The following SYCP2 variants were observed in gnomAD, a reference collection of about 807,000 sequenced individuals.
SYCP2 encodes the protein synaptonemal complex protein 2, also known as synaptonemal complex lateral element protein.
In SYCP2, 55 loss-of-function variants were observed where a neutral mutation model predicts 211.3. The ratio of observed to expected loss-of-function variants is 0.26; its 90% CI spans 0.21 to 0.33. The LOEUF (loss-of-function observed/expected upper bound fraction) is 0.33, where lower values mean the gene tolerates loss of function less well. Ranked by LOEUF, SYCP2 falls within the 10% of genes least tolerant of loss-of-function variation. The pLI is 1.00. For missense variants in SYCP2, 1,731 were observed against 1,752.0 expected, an observed-to-expected ratio of 0.99 and a Z score of 0.21; for synonymous variants, 570 against 555.2, an observed-to-expected ratio of 1.03 and a Z score of -0.37.
At chr20:59,883,497 G>A (rs1371882949) in intron 26 of SYCP2, among the ~76,000 whole-genome samples, 2 of 152,026 alleles carry the variant, frequency 1.3e-5, no homozygotes, top group Non-Finnish European at 2.9e-5. Context: ...TATATATGAA[G>A]AAATACTATT....
intron 26 of SYCP2, among the ~76,000 whole-genome samples, chr20:59,884,050 T>C (rs928962311): frequency 2.6e-5 from 4 of 152,022 alleles, no homozygotes; most frequent in African/African-American, 9.7e-5. Context: ...AAAAATACAA[T>C]AGAAAATATT....
At chr20:59,904,529 T>C (rs978009830) in intron 15 of SYCP2, among the ~76,000 whole-genome samples, 1 of 152,052 alleles carries the variant, frequency 6.6e-6, no homozygotes, top group African/African-American at 2.4e-5. Context: ...CCCCTCTGCC[T>C]AAGAAGAAAA....
chr20:59,908,733 T>G (rs972150237), intron 14 of SYCP2, among the ~76,000 whole-genome samples: 1 of 152,166 alleles, frequency 6.6e-6, no homozygotes, highest in Non-Finnish European at 1.5e-5. Context: ...GTTATCAGTA[T>G]GTTGTAGCAA....
At chr20:59,920,286 A>G in intron 5 of SYCP2, 73 bp downstream of exon 5, 1 of 1,319,722 alleles carries the variant, frequency 7.6e-7, no homozygotes, top group Non-Finnish European at 1.0e-6. Flanking sequence ...AACAATTTGG[A>G]TAATTTCTTA....
intron 8 of SYCP2, among the ~76,000 whole-genome samples, chr20:59,916,177 C>A (rs1432760434): frequency 6.5e-4 from 99 of 152,094 alleles, no homozygotes; most frequent in African/African-American, 2.3e-3. Context: ...TTATTTTGTT[C>A]TTATGATTAT....
intron 37 of SYCP2, 130 bp downstream of exon 37, chr20:59,868,705 C>T (rs561105475): frequency 4.0e-6 from 5 of 1,240,872 alleles, no homozygotes; most frequent in Non-Finnish European, 5.5e-6. Context: ...GCATTCAATT[C>T]TACCTAGTTT....
intron 2 of SYCP2, 129 bp downstream of exon 2, chr20:59,931,933 T>C (rs1601020067): frequency 6.6e-6 from 1 of 152,172 alleles, no homozygotes; most frequent in African/African-American, 2.4e-5. Flanking sequence ...AAACAAAAGT[T>C]ATACACTTAT....
chr20:59,910,013 A>C lies in SYCP2; in HGVS notation c.972+1737T>G, dbSNP rs1029600553. 2.0e-5 allele frequency among the ~76,000 whole-genome samples: 3 copies of C among 152,330 alleles called. No homozygotes were observed. In the South Asian group the frequency reaches 6.2e-4, roughly 32 times the overall value. ...CTAAGAAAGACCTAAGATGGGCATAATCTGTGTTAGAGAAATAGAAAAATA... is the reference window on the plus strand; with the variant it reads ...CTAAGAAAGACCTAAGATGGGCATACTCTGTGTTAGAGAAATAGAAAAATA... On this transcript the variant is annotated intron_variant, in intron 14 of 44. Coordinates refer to ENST00000357552, the MANE Select transcript of SYCP2 (RefSeq NM_014258.4).
intron 15 of SYCP2, among the ~76,000 whole-genome samples, chr20:59,905,109 A>T (rs751466540): frequency 5.3e-5 from 8 of 152,182 alleles, no homozygotes; most frequent in Non-Finnish European, 1.2e-4. Context: ...ACTGACCATA[A>T]GAAGTGTTAG....
intron 21 of SYCP2, 144 bp downstream of exon 21, chr20:59,893,380 T>C: frequency 1.3e-6 from 1 of 769,834 alleles, no homozygotes; most frequent in African/African-American, 1.8e-5. Flanking sequence ...CCTTGTAACC[T>C]CAAAAATTCC....
Position 59,865,806 on chromosome 20 carries a change from CCT to C in SYCP2, c.4378_4379del (p.Arg1460AlafsTer10). On this transcript the variant is annotated frameshift_variant and splice_region_variant, in exon 42 of 45. Transcript: ENST00000357552. LOFTEE classifies it high-confidence loss of function. ...FSAYQKSEQQ[R>X]LHLLKTSLAK... is the part of the protein sequence containing the mutation. ...ATAGCCATTAAGAATGTCATACTAA[CCT>C]CTGTTGTTCGCTTTTTTGATATGCA... 7.1e-7 allele frequency: 1 copy of C among 1,412,392 alleles called. No homozygotes were observed. The highest frequency in any genetic ancestry group is 9.5e-7 in the Non-Finnish European group (1 of 1,056,910). 87.5% of individuals were successfully genotyped at this position (1,412,392 alleles called of 1,614,324 possible). A position where few individuals can be genotyped will look rare whatever the true frequency, so the allele number is the denominator to read the frequency against.
In SYCP2 at chr20:59,921,222, T is replaced by C; in HGVS notation, c.168+88A>G. 2.7e-6 allele frequency: 3 copies of C among 1,128,358 alleles called. No individual in the cohort carries two copies. In the South Asian group the frequency reaches 5.0e-5, roughly 19 times the overall value. 69.9% of individuals were successfully genotyped at this position (1,128,358 alleles called of 1,614,324 possible). Reference sequence around the variant, plus strand: ...TTATGACTGAGCTTGCCCAAGCCTATTCATTTTTTTCTAATGGAGTACTTC... The same window carrying C: ...TTATGACTGAGCTTGCCCAAGCCTACTCATTTTTTTCTAATGGAGTACTTC... On this transcript the variant is annotated intron_variant, in intron 4 of 44. Transcript: ENST00000357552.
At chr20:59,881,170 T>A (rs1343533661) in intron 29 of SYCP2, 147 bp from the exon 30 acceptor site, 3 of 565,660 alleles carry the variant, frequency 5.3e-6, no homozygotes, top group Non-Finnish European at 9.3e-6. Flanking sequence ...TTATCCTCTC[T>A]GACCTCAGTT....
Position 59,875,297 on chromosome 20 carries a change from C to G in SYCP2, c.3323G>C (p.Ser1108Thr). The stretch of plus-strand genomic sequence containing the variant: ...TCTCGTTACTTCTATAGATGATGGA[C>G]TGCCAGATAAAGATCTGGGAGATAA... ...LDLSPRSLSG[S>T]PSSIEVTRCI... The change falls in exon 34 of 45, where the codon AGT (serine) becomes ACT (threonine). Residue 1108 changes from serine (S) to threonine (T), a missense_variant. Coordinates refer to ENST00000357552, the MANE Select transcript of SYCP2 (RefSeq NM_014258.4). 6.2e-7 allele frequency: 1 copy of G among 1,608,918 alleles called. No homozygotes were observed. The highest frequency in any genetic ancestry group is 8.5e-7 in the Non-Finnish European group (1 of 1,177,174).
At chr20:59,930,581 G>T (rs1241779081) in intron 2 of SYCP2, among the ~76,000 whole-genome samples, 1 of 152,124 alleles carries the variant, frequency 6.6e-6, no homozygotes, top group Non-Finnish European at 1.5e-5. Flanking sequence ...AGTAGCACAT[G>T]GTGGCTGAGG....
In SYCP2 at chr20:59,875,315, G is replaced by T. The variant is rs2059534007; in HGVS notation, c.3305C>A (p.Pro1102His). The change falls in exon 34 of 45, where the codon CCC (proline) becomes CAC (histidine). Residue 1102 changes from proline (P) to histidine (H), a missense_variant. Pro to His is a moderately conservative substitution (Grantham distance 77). This residue lies in a region of SYCP2 where 1,387 missense variants were observed against 1,351.3 expected (regional missense o/e 1.03). Transcript: ENST00000357552. ...AIRDNCLDLSPRSLSGSPSSI... is the reference protein window; with the variant it reads ...AIRDNCLDLSHRSLSGSPSSI... ...TGATGGACTGCCAGATAAAGATCTG[G>T]GAGATAAGTCAAGGCAATTATCTCG... 1 of 1,610,438 alleles carries T rather than the reference G, an allele frequency of 6.2e-7. No homozygotes were observed. The highest frequency in any genetic ancestry group is 8.5e-7 in the Non-Finnish European group (1 of 1,177,984).
At chr20:59,932,770 T>C (rs2060785861) in intron 1 of SYCP2, among the ~76,000 whole-genome samples, 1 of 152,036 alleles carries the variant, frequency 6.6e-6, no homozygotes, top group African/African-American at 2.4e-5. Flanking sequence ...TGGAGCCACG[T>C]GTCGCGCATT....
intron 2 of SYCP2, among the ~76,000 whole-genome samples, chr20:59,929,724 C>T (rs1029322331): frequency 2.6e-5 from 4 of 151,736 alleles, no homozygotes; most frequent in African/African-American, 9.7e-5. Flanking sequence ...ATCTGTGTAA[C>T]ACCAGAGGAT....
chr20:59,883,769 G>A (rs1327211469), intron 26 of SYCP2, among the ~76,000 whole-genome samples: 45 of 151,948 alleles, frequency 3.0e-4, no homozygotes, highest in Admixed American at 3.0e-3. Context: ...TAAGTCTAGA[G>A]ATATAATGCA....
Sources: gnomAD v4.1 joint callset for allele counts (sites outside exome capture counted in the v4.1 genomes callset) on GRCh38, gnomAD v4.1.1 for gene constraint, gnomAD v4.1.1 regional missense constraint, MANE v1.5 for transcripts, NCBI Gene and HGNC (gene_info 2026-07-23, HGNC 2026-07-21) for gene names.